WDR72: variants seen among roughly 807,000 people sequenced by gnomAD.
WDR72 encodes the protein WD repeat domain 72.
In WDR72, 120 loss-of-function variants were observed where a neutral mutation model predicts 124.2. That is an observed-to-expected ratio of 0.97 (90% CI 0.83 to 1.12). The LOEUF (loss-of-function observed/expected upper bound fraction) is 1.12. Among genes scored for constraint, WDR72 ranks in the 50% most tolerant of loss-of-function variants. WDR72 has a pLI of 0.00. For synonymous variants in WDR72, 452 were observed against 441.7 expected, an observed-to-expected ratio of 1.02 and a Z score of -0.29; for missense variants, 1,387 against 1,278.8, an observed-to-expected ratio of 1.08 and a Z score of -1.29.
chr15:53,689,830 T>G (rs914321600), intron 13 of WDR72, among the ~76,000 whole-genome samples: 1 of 152,028 alleles, frequency 6.6e-6, no homozygotes, highest in Admixed American at 6.5e-5. Flanking sequence ...TGTCCAACAG[T>G]GATAGACTGG....
intron 1 of WDR72, among the ~76,000 whole-genome samples, chr15:53,739,867 T>C (rs1234276292): frequency 1.3e-5 from 2 of 152,196 alleles, no homozygotes. Flanking sequence ...ACGGGCAATG[T>C]GCACTTTGGC....
chr15:53,569,977 T>C (rs1172413783), intron 18 of WDR72, among the ~76,000 whole-genome samples: 1 of 152,118 alleles, frequency 6.6e-6, no homozygotes, highest in Non-Finnish European at 1.5e-5. Flanking sequence ...AGTGAGGTCA[T>C]AGTCCATTAA....
At chr15:53,707,695 C>T (rs2017421850) in intron 9 of WDR72, among the ~76,000 whole-genome samples, 1 of 152,156 alleles carries the variant, frequency 6.6e-6, no homozygotes, top group Non-Finnish European at 1.5e-5. Context: ...ATCCACCCAC[C>T]TCGGCCTCCC....
chr15:53,685,784 GA>G (rs993741625), intron 13 of WDR72, among the ~76,000 whole-genome samples: 1 of 148,862 alleles, frequency 6.7e-6, no homozygotes, highest in Non-Finnish European at 1.5e-5. Flanking sequence ...TTGAAATGAG[GA>G]AAAAATGTTA....
intron 18 of WDR72, among the ~76,000 whole-genome samples, chr15:53,534,912 A>T (rs188651681): frequency 8.2e-4 from 125 of 152,310 alleles, no homozygotes; most frequent in Middle Eastern, 3.4e-3. Flanking sequence ...AATGCTTGAA[A>T]AAATTTCACC....
In WDR72 at chr15:53,732,986, C is replaced by T. The variant is rs375312944; in HGVS notation, c.153+11G>A. The T allele has an allele frequency of 3.7e-5, 60 of 1,613,830 alleles. No individual in the cohort carries two copies. Among genetic ancestry groups the T allele is most frequent in the African/African-American group, 1.3e-4 (10 of 74,866 alleles). Reference sequence around the variant, plus strand: ...GTGGTGTCTGTTTCAATATCAGTAGCTTTCACTAACCTTTAGTTCATGTGA... The same window carrying T: ...GTGGTGTCTGTTTCAATATCAGTAGTTTTCACTAACCTTTAGTTCATGTGA... On this transcript the variant is annotated intron_variant, in intron 2 of 19. Coordinates refer to ENST00000360509, the MANE Select transcript of WDR72 (RefSeq NM_182758.4).
chr15:53,524,012 T>C (rs1891966291), intron 18 of WDR72, among the ~76,000 whole-genome samples: 1 of 152,072 alleles, frequency 6.6e-6, no homozygotes, highest in Non-Finnish European at 1.5e-5. Flanking sequence ...CTAATTCTGT[T>C]TGAGAAACAG....
intron 18 of WDR72, among the ~76,000 whole-genome samples, chr15:53,582,421 C>A (rs1263868907): frequency 6.6e-6 from 1 of 151,778 alleles, no homozygotes; most frequent in East Asian, 1.9e-4. Context: ...TTGGAGAAGG[C>A]TGAGGGTGGC....
intron 6 of WDR72, among the ~76,000 whole-genome samples, chr15:53,714,179 T>TTG (rs1555427292): frequency 3.0e-5 from 1 of 33,768 alleles, no homozygotes; most frequent in African/African-American, 5.7e-5. Flanking sequence ...AATGTAATCT[T>TTG]TCTGTGTGTG....
chr15:53,643,577 C>T (rs983813650), intron 14 of WDR72, among the ~76,000 whole-genome samples: 5 of 152,008 alleles, frequency 3.3e-5, no homozygotes, highest in African/African-American at 1.2e-4. Flanking sequence ...TTTGGGGCAA[C>T]CAAATACAAT....
rs2017345767 is a variant in WDR72 at position 53,706,080 on chromosome 15, C to T, written c.955-6G>A. On this transcript the variant is annotated splice_region_variant and splice_polypyrimidine_tract_variant and intron_variant, in intron 9 of 19. Transcript: ENST00000360509. ...ACAAAGGGACGGCTCTGTTCCTAAA[C>T]AAAAAGTGAGCTTTTATGTAGGAAA... 1.2e-6 allele frequency: 2 copies of T among 1,613,668 alleles called. No individual in the cohort carries two copies. The highest frequency in any genetic ancestry group is 8.5e-7 in the Non-Finnish European group (1 of 1,179,904).
chr15:53,648,645 C>A (rs1326550094), intron 14 of WDR72, among the ~76,000 whole-genome samples: 2 of 152,036 alleles, frequency 1.3e-5, no homozygotes, highest in South Asian at 2.1e-4. Context: ...GAATAACCAA[C>A]CACAAACACT....
At chr15:53,525,719 G>C (rs1373193492) in intron 18 of WDR72, among the ~76,000 whole-genome samples, 2 of 152,130 alleles carry the variant, frequency 1.3e-5, no homozygotes, top group African/African-American at 4.8e-5. Context: ...CTACAACTTT[G>C]CTTCCACCTC....
At chr15:53,696,257 T>C (rs758907087) in intron 13 of WDR72, among the ~76,000 whole-genome samples, 7 of 152,068 alleles carry the variant, frequency 4.6e-5, no homozygotes, top group Non-Finnish European at 8.8e-5. Context: ...GAGAGAATAG[T>C]AAAACTAAAA....
chr15:53,551,239 G>A (rs1387358051), intron 18 of WDR72, among the ~76,000 whole-genome samples: 1 of 152,152 alleles, frequency 6.6e-6, no homozygotes, highest in Non-Finnish European at 1.5e-5. Flanking sequence ...TGGCAAAAAT[G>A]AAGCTGGAGA....
intron 18 of WDR72, among the ~76,000 whole-genome samples, chr15:53,566,005 A>G (rs1001151638): frequency 6.6e-6 from 1 of 152,008 alleles, no homozygotes. Context: ...AGAAAGCTAT[A>G]TTCTACAGCA....
intron 2 of WDR72, among the ~76,000 whole-genome samples, chr15:53,727,091 C>G (rs1490144197): frequency 1.3e-5 from 2 of 151,888 alleles, no homozygotes; most frequent in African/African-American, 4.8e-5. Flanking sequence ...GCGGGTGGAT[C>G]ACTTGAGGTC....
intron 11 of WDR72, 48 bp downstream of exon 11, chr15:53,704,940 G>T: frequency 6.2e-7 from 1 of 1,604,300 alleles, no homozygotes; most frequent in East Asian, 2.2e-5. Context: ...TGTTGAAATT[G>T]CAGCTTTAGA....
chr15:53,650,089 A>T (rs190422117), intron 14 of WDR72, among the ~76,000 whole-genome samples: 4 of 141,738 alleles, frequency 2.8e-5, no homozygotes, highest in African/African-American at 1.1e-4. Flanking sequence ...ATATACATAC[A>T]ATGGAATAAC....
Sources: gnomAD v4.1 joint callset for allele counts (sites outside exome capture counted in the v4.1 genomes callset) on GRCh38, gnomAD v4.1.1 for gene constraint, MANE v1.5 for transcripts, NCBI Gene and HGNC (gene_info 2026-07-23, HGNC 2026-07-21) for gene names.